Variants in LRRTM4 observed in about 807,000 individuals in gnomAD.
The protein encoded by LRRTM4 is leucine-rich repeat transmembrane neuronal protein 4.
Under a neutral mutation model 47.6 loss-of-function variants are expected in LRRTM4, and 25 were observed. The ratio of observed to expected loss-of-function variants is 0.53; its 90% CI spans 0.38 to 0.73. LRRTM4 has a LOEUF of 0.73. Ranked by LOEUF, LRRTM4 falls within the 30% of genes least tolerant of loss-of-function variation. The pLI is 0.00. For synonymous variants in LRRTM4, 311 were observed against 269.5 expected (o/e 1.15, Z -1.51); for missense variants, 638 against 713.4 (o/e 0.89, Z 1.20).
intron 3 of LRRTM4, among the ~76,000 whole-genome samples, chr2:77,408,017 GA>G (rs1483361929): frequency 6.6e-6 from 1 of 151,852 alleles, no homozygotes; most frequent in Non-Finnish European, 1.5e-5. Context: ...TTTTTAGAAG[GA>G]AATTTGCAAA....
chr2:77,148,522 T>C (rs1428655275), intron 3 of LRRTM4, among the ~76,000 whole-genome samples: 1 of 152,204 alleles, frequency 6.6e-6, no homozygotes, highest in Non-Finnish European at 1.5e-5. Flanking sequence ...TGACACTTTG[T>C]TGCATTTGAA....
chr2:77,099,273 A>G (rs1451380269), intron 3 of LRRTM4, among the ~76,000 whole-genome samples: 1 of 151,956 alleles, frequency 6.6e-6, no homozygotes, highest in Non-Finnish European at 1.5e-5. Flanking sequence ...ATGATTGTCT[A>G]TTGTATAGCA....
chr2:77,515,956 G>A (rs777367834), intron 3 of LRRTM4, among the ~76,000 whole-genome samples: 1 of 151,788 alleles, frequency 6.6e-6, no homozygotes, highest in African/African-American at 2.4e-5. Flanking sequence ...AAAATGGGGT[G>A]ACCCCTGCAA....
intron 3 of LRRTM4, among the ~76,000 whole-genome samples, chr2:76,936,820 G>A (rs1282969738): frequency 3.3e-5 from 5 of 150,794 alleles, no homozygotes; most frequent in African/African-American, 1.2e-4. Context: ...TGGGCGTGGT[G>A]GCAGGCAACT....
chr2:76,750,048 G>T (rs1447096431), intron 3 of LRRTM4, among the ~76,000 whole-genome samples: 1 of 152,160 alleles, frequency 6.6e-6, no homozygotes, highest in African/African-American at 2.4e-5. Flanking sequence ...TTCCTGTTAG[G>T]CTTTGCCAAT....
chr2:77,344,506 A>G (rs1287136261), intron 3 of LRRTM4, among the ~76,000 whole-genome samples: 1 of 151,888 alleles, frequency 6.6e-6, no homozygotes, highest in African/African-American at 2.4e-5. Context: ...GAACAATAAC[A>G]ACAAAAAAGA....
At chr2:77,025,860 C>T (rs1336037163) in intron 3 of LRRTM4, among the ~76,000 whole-genome samples, 15 of 152,104 alleles carry the variant, frequency 9.9e-5, no homozygotes, top group Non-Finnish European at 1.8e-4. Context: ...CACATATACT[C>T]AGCAGGAGAT....
chr2:76,804,344 A>G (rs1357836907), intron 3 of LRRTM4, among the ~76,000 whole-genome samples: 3 of 152,064 alleles, frequency 2.0e-5, no homozygotes, highest in Non-Finnish European at 4.4e-5. Context: ...TTGATTTGAT[A>G]ATTGCGTTGC....
chr2:76,864,744 A>G (rs573033315), intron 3 of LRRTM4, among the ~76,000 whole-genome samples: 127 of 151,198 alleles, frequency 8.4e-4, no homozygotes, highest in Admixed American at 4.4e-3. Context: ...TTTTTAAGAC[A>G]AGGTCTCTCT....
intron 3 of LRRTM4, among the ~76,000 whole-genome samples, chr2:76,953,273 A>G (rs1675557920): frequency 6.6e-6 from 1 of 151,920 alleles, no homozygotes; most frequent in Non-Finnish European, 1.5e-5. Context: ...CTTTTCCCCC[A>G]CAGGAACACT....
At chr2:76,905,904 C>A (rs1673817900) in intron 3 of LRRTM4, among the ~76,000 whole-genome samples, 1 of 152,022 alleles carries the variant, frequency 6.6e-6, no homozygotes, top group Admixed American at 6.6e-5. Context: ...AGAATGGAAC[C>A]AAGTTGGAAA....
chr2:77,086,264 G>A (rs1680708967), intron 3 of LRRTM4, among the ~76,000 whole-genome samples: 1 of 152,136 alleles, frequency 6.6e-6, no homozygotes, highest in African/African-American at 2.4e-5. Flanking sequence ...AGTCAAGGAG[G>A]ATCACAACTG....
At chr2:77,250,432 C>T (rs1055930783) in intron 3 of LRRTM4, among the ~76,000 whole-genome samples, 12 of 152,188 alleles carry the variant, frequency 7.9e-5, no homozygotes, top group Middle Eastern at 3.4e-3. Context: ...TGGGAAATCT[C>T]TGTAACTTCT....
chr2:77,111,692 T>C (rs942334835), intron 3 of LRRTM4, among the ~76,000 whole-genome samples: 1 of 152,122 alleles, frequency 6.6e-6, no homozygotes, highest in Admixed American at 6.5e-5. Context: ...CTTATTGCAG[T>C]GCTTGTGTTC....
At chr2:77,224,064 C>T (rs981411675) in intron 3 of LRRTM4, among the ~76,000 whole-genome samples, 1 of 151,240 alleles carries the variant, frequency 6.6e-6, no homozygotes, top group African/African-American at 2.4e-5. Context: ...CGCATATCTA[C>T]AACTATCTGA....
chr2:76,978,794 T>G (rs1676502554), intron 3 of LRRTM4, among the ~76,000 whole-genome samples: 1 of 152,022 alleles, frequency 6.6e-6, no homozygotes, highest in South Asian at 2.1e-4. Context: ...AATCTGGGGA[T>G]GTTGCCACCT....
chr2:77,426,905 A>G (rs1011298369), intron 3 of LRRTM4, among the ~76,000 whole-genome samples: 1 of 151,632 alleles, frequency 6.6e-6, no homozygotes, highest in South Asian at 2.1e-4. Context: ...TGACAAATGC[A>G]TATTTTCTTA....
At chr2:76,972,338 A>G (rs2103943134) in intron 3 of LRRTM4, among the ~76,000 whole-genome samples, 2 of 151,992 alleles carry the variant, frequency 1.3e-5, no homozygotes, top group Admixed American at 1.3e-4. Context: ...TCCTTAATAA[A>G]AGTACTTGGA....
At chr2:77,268,062 A>G (rs1291707398) in intron 3 of LRRTM4, among the ~76,000 whole-genome samples, 1 of 151,964 alleles carries the variant, frequency 6.6e-6, no homozygotes, top group Non-Finnish European at 1.5e-5. Context: ...CAGCTTCCCA[A>G]TCTATACTTT....
Sources: gnomAD v4.1 joint callset for allele counts (sites outside exome capture counted in the v4.1 genomes callset) on GRCh38, gnomAD v4.1.1 for gene constraint, MANE v1.5 for transcripts, NCBI Gene and HGNC (gene_info 2026-07-23, HGNC 2026-07-21) for gene names.